The following MBNL1 variants were observed in gnomAD, a reference collection of about 807,000 sequenced individuals.
MBNL1 encodes the protein muscleblind like splicing regulator 1.
A neutral mutation model predicts 42.2 loss-of-function variants in MBNL1; 8 were observed. That is an observed-to-expected ratio of 0.19 (90% CI 0.11 to 0.34). The LOEUF is 0.34. Among genes scored for constraint, MBNL1 ranks in the 10% least tolerant of loss-of-function variants. The probability of loss-of-function intolerance (pLI) is 1.00; values close to 1 mark genes in which losing one functional copy is unlikely to be tolerated. For missense variants in MBNL1, 309 were observed against 495.3 expected (o/e 0.62, Z 3.57); for synonymous variants, 169 against 173.9 (o/e 0.97, Z 0.22).
chr3:152,314,376 CTT>C (rs766855642), intron 2 of MBNL1, among the ~76,000 whole-genome samples: 23 of 138,634 alleles, frequency 1.7e-4, no homozygotes, highest in Non-Finnish European at 1.3e-4. Context: ...TGCTCCAAGA[CTT>C]TTTTTTTTTT....
chr3:152,372,088 G>A (rs577498367), intron 2 of MBNL1, among the ~76,000 whole-genome samples: 4 of 151,900 alleles, frequency 2.6e-5, no homozygotes, highest in Non-Finnish European at 5.9e-5. Flanking sequence ...CCACTTGATC[G>A]ATTTGGCTAT....
chr3:152,248,758 C>G (rs2033784843), intron 2 of MBNL1, among the ~76,000 whole-genome samples: 1 of 151,538 alleles, frequency 6.6e-6, no homozygotes, highest in Non-Finnish European at 1.5e-5. Context: ...CTAATGCTAT[C>G]CCTCCCCCCT....
chr3:152,302,669 G>A (rs1186431546), intron 2 of MBNL1, among the ~76,000 whole-genome samples: 1 of 152,008 alleles, frequency 6.6e-6, no homozygotes, highest in Admixed American at 6.6e-5. Flanking sequence ...CTGAAATTTG[G>A]GAGCGTTATG....
At chr3:152,245,450 A>G (rs552728728) in intron 2 of MBNL1, among the ~76,000 whole-genome samples, 1 of 152,302 alleles carries the variant, frequency 6.6e-6, no homozygotes, top group East Asian at 1.9e-4. Flanking sequence ...CATTTTCATA[A>G]TTGAATCCTT....
At chr3:152,268,645 G>A, upstream of MBNL1, 1 of 412,602 alleles carries the variant, frequency 2.4e-6, no homozygotes, top group South Asian at 1.7e-5. Flanking sequence ...GATCCACGGC[G>A]CCCGCGCGGG....
At chr3:152,405,963 G>A (rs2098417291) in intron 2 of MBNL1, among the ~76,000 whole-genome samples, 2 of 152,108 alleles carry the variant, frequency 1.3e-5, no homozygotes, top group South Asian at 4.1e-4. Context: ...AAATAATGAA[G>A]CAATTTAAAA....
chr3:152,302,624 C>G (rs2061186084), intron 2 of MBNL1, among the ~76,000 whole-genome samples: 1 of 152,100 alleles, frequency 6.6e-6, no homozygotes, highest in Non-Finnish European at 1.5e-5. Flanking sequence ...TATTTTAAAA[C>G]TGTTAAAGTA....
At chr3:152,364,545 C>A (rs938899312) in intron 2 of MBNL1, among the ~76,000 whole-genome samples, 3 of 151,830 alleles carry the variant, frequency 2.0e-5, no homozygotes, top group Non-Finnish European at 2.9e-5. Context: ...CAGATTTGCC[C>A]TTTGAATTGT....
chr3:152,250,754 G>T (rs1488404569), intron 2 of MBNL1, among the ~76,000 whole-genome samples: 5 of 151,334 alleles, frequency 3.3e-5, no homozygotes, highest in African/African-American at 9.7e-5. Context: ...TTGGCTGTGG[G>T]TTTGTCATAG....
At chr3:152,460,480 G>A (rs1328182623) in intron 9 of MBNL1, among the ~76,000 whole-genome samples, 7 of 124,362 alleles carry the variant, frequency 5.6e-5, no homozygotes. Flanking sequence ...CGGGGGAGGG[G>A]GGAGGGATAG....
chr3:152,283,092 C>T (rs1380572357), intron 1 of MBNL1, among the ~76,000 whole-genome samples: 4 of 152,112 alleles, frequency 2.6e-5, no homozygotes, highest in African/African-American at 9.7e-5. Context: ...ACTGGACAGC[C>T]AGGCAGGAAG....
At chr3:152,331,756 G>A (rs1477209694) in intron 2 of MBNL1, among the ~76,000 whole-genome samples, 1 of 151,976 alleles carries the variant, frequency 6.6e-6, no homozygotes, top group African/African-American at 2.4e-5. Flanking sequence ...GGAGTGCAGT[G>A]GCATGATCTC....
intron 1 of MBNL1, among the ~76,000 whole-genome samples, chr3:152,283,542 C>T (rs1327412712): frequency 6.6e-6 from 1 of 152,196 alleles, no homozygotes; most frequent in Non-Finnish European, 1.5e-5. Context: ...AAGATTTCTT[C>T]AGATCCCATA....
chr3:152,313,085 C>T (rs969139812), intron 2 of MBNL1, among the ~76,000 whole-genome samples: 29 of 151,722 alleles, frequency 1.9e-4, no homozygotes, highest in African/African-American at 7.0e-4. Flanking sequence ...TGCAATGGCA[C>T]GATCTCGGCT....
intron 2 of MBNL1, among the ~76,000 whole-genome samples, chr3:152,253,853 C>T (rs930572191): frequency 1.3e-5 from 2 of 152,136 alleles, no homozygotes; most frequent in Non-Finnish European, 2.9e-5. Context: ...ATTCCCAACC[C>T]CATCACTCTG....
At chr3:152,342,255 G>C (rs980290504) in intron 2 of MBNL1, among the ~76,000 whole-genome samples, 1 of 152,066 alleles carries the variant, frequency 6.6e-6, no homozygotes, top group African/African-American at 2.4e-5. Flanking sequence ...GATTCTGTCT[G>C]CACCTCCTTC....
At chr3:152,307,831 T>C (rs1047561085) in intron 2 of MBNL1, among the ~76,000 whole-genome samples, 1 of 152,118 alleles carries the variant, frequency 6.6e-6, no homozygotes, top group Admixed American at 6.5e-5. Flanking sequence ...AAGACAAATT[T>C]ATAGTACAGG....
chr3:152,413,092 G>A (rs1226257702), intron 2 of MBNL1, among the ~76,000 whole-genome samples: 1 of 152,124 alleles, frequency 6.6e-6, no homozygotes, highest in Non-Finnish European at 1.5e-5. Context: ...CTACTCTGTG[G>A]TTTATCTTGC....
At chr3:152,348,449 A>G (rs769884409) in intron 2 of MBNL1, among the ~76,000 whole-genome samples, 1 of 152,138 alleles carries the variant, frequency 6.6e-6, no homozygotes, top group Non-Finnish European at 1.5e-5. Context: ...AAGTATTACA[A>G]AGAATTCACT....
Sources: allele counts gnomAD v4.1 joint callset (sites outside exome capture counted in the v4.1 genomes callset), GRCh38; gene constraint gnomAD v4.1.1; transcripts MANE v1.5; gene names NCBI Gene and HGNC (gene_info 2026-07-23, HGNC 2026-07-21).